Variants in GRID1 observed in about 807,000 individuals in gnomAD.
GRID1 encodes glutamate receptor ionotropic, delta-1.
GRID1 carries 28 observed loss-of-function variants against 98.0 expected under a neutral mutation model. The ratio of observed to expected loss-of-function variants is 0.29; its 90% CI spans 0.21 to 0.39. GRID1 has a LOEUF of 0.39. GRID1 is among the 10% of genes least tolerant of loss of function. GRID1 has a pLI of 1.00. For synonymous variants in GRID1, 553 were observed against 538.5 expected (o/e 1.03, Z -0.37); for missense variants, 1,111 against 1,340.5 (o/e 0.83, Z 2.67).
intron 4 of GRID1, among the ~76,000 whole-genome samples, chr10:86,136,307 T>C (rs545705146): frequency 1.3e-5 from 2 of 152,282 alleles, no homozygotes; most frequent in African/African-American, 4.8e-5. Context: ...GCTTTGCGTA[T>C]AAGCACCCTG....
chr10:85,931,600 T>C (rs1472596105), intron 4 of GRID1, among the ~76,000 whole-genome samples: 1 of 152,218 alleles, frequency 6.6e-6, no homozygotes, highest in East Asian at 1.9e-4. Context: ...TAGCAACCTG[T>C]TCATGTCTTA....
At chr10:86,290,653 AAAAATAAAATAAAATAAAAT>A (rs55827038) in intron 2 of GRID1, among the ~76,000 whole-genome samples, 65 of 149,720 alleles carry the variant, frequency 4.3e-4, no homozygotes, top group African/African-American at 1.4e-3. Flanking sequence ...ACTCTGTCTC[AAAAATAAAATAAAATAAAAT>A]AAAATAAAAT....
intron 5 of GRID1, among the ~76,000 whole-genome samples, chr10:85,900,938 G>A (rs1452124458): frequency 2.6e-5 from 4 of 152,168 alleles, no homozygotes; most frequent in African/African-American, 9.7e-5. Flanking sequence ...TGGAAAGAAG[G>A]AAAGACCATG....
At chr10:86,106,691 G>T (rs1168799062) in intron 4 of GRID1, among the ~76,000 whole-genome samples, 3 of 152,112 alleles carry the variant, frequency 2.0e-5, no homozygotes, top group African/African-American at 7.2e-5. Context: ...CATCAGAGAT[G>T]ATCAGGAATG....
intron 4 of GRID1, among the ~76,000 whole-genome samples, chr10:86,043,989 C>T (rs1843384348): frequency 6.6e-6 from 1 of 152,160 alleles, no homozygotes; most frequent in Non-Finnish European, 1.5e-5. Context: ...CCTACATGTG[C>T]TCAATAGTAA....
chr10:85,847,606 G>A (rs545601291), intron 8 of GRID1, among the ~76,000 whole-genome samples: 1 of 152,072 alleles, frequency 6.6e-6, no homozygotes, highest in Non-Finnish European at 1.5e-5. Context: ...GGAAATGAAG[G>A]TCTGCTGTAT....
At chr10:85,728,418 C>A (rs1841786553) in intron 9 of GRID1, among the ~76,000 whole-genome samples, 1 of 152,148 alleles carries the variant, frequency 6.6e-6, no homozygotes, top group Non-Finnish European at 1.5e-5. Context: ...ATATGAGGCC[C>A]ACATAAGAAA....
chr10:85,781,298 A>G (rs1842378871), intron 8 of GRID1, among the ~76,000 whole-genome samples: 1 of 152,252 alleles, frequency 6.6e-6, no homozygotes, highest in African/African-American at 2.4e-5. Context: ...CTTCTGAGTC[A>G]TAATATCATT....
chr10:85,616,189 C>A lies in GRID1; in HGVS notation c.2361-2542G>T, dbSNP rs755567759. Among the ~76,000 whole-genome samples, 64 of 152,314 alleles carry A rather than the reference C, an allele frequency of 4.2e-4. 1 individual carries two copies. In the Middle Eastern group the frequency reaches 0.037, roughly 89 times the overall value. ...GACATGAGCGACCTTTTATAGAGAA[C>A]ACAGTAGGAGCTGATCATATTACAC... On this transcript the variant is annotated intron_variant, in intron 14 of 15. Transcript: ENST00000327946.
intron 5 of GRID1, among the ~76,000 whole-genome samples, chr10:85,901,960 G>A (rs1353567833): frequency 6.6e-6 from 1 of 152,190 alleles, no homozygotes; most frequent in East Asian, 1.9e-4. Flanking sequence ...ATATAGAAGT[G>A]CATTTCCAGT....
intron 8 of GRID1, among the ~76,000 whole-genome samples, chr10:85,777,589 A>G (rs1842343988): frequency 6.6e-6 from 1 of 152,214 alleles, no homozygotes; most frequent in Admixed American, 6.5e-5. Flanking sequence ...AGTTCTCATC[A>G]TGTGTCTTCA....
chr10:85,743,350 G>C (rs1253303828), intron 8 of GRID1, among the ~76,000 whole-genome samples: 2 of 152,064 alleles, frequency 1.3e-5, no homozygotes, highest in Non-Finnish European at 2.9e-5. Context: ...GTTAACATTA[G>C]AAGAATCCCA....
At chr10:85,880,551 G>A (rs1260711721) in intron 5 of GRID1, among the ~76,000 whole-genome samples, 2 of 151,916 alleles carry the variant, frequency 1.3e-5, no homozygotes, top group East Asian at 3.9e-4. Flanking sequence ...ATGCAGAAAA[G>A]GCCTTTGACA....
chr10:86,274,387 A>G (rs1475614754), intron 2 of GRID1, among the ~76,000 whole-genome samples: 1 of 152,190 alleles, frequency 6.6e-6, no homozygotes, highest in Non-Finnish European at 1.5e-5. Context: ...TTGACTTGGC[A>G]AGGCGGGCTC....
At chr10:85,985,279 T>C (rs904789373) in intron 4 of GRID1, among the ~76,000 whole-genome samples, 1 of 152,198 alleles carries the variant, frequency 6.6e-6, no homozygotes, top group Non-Finnish European at 1.5e-5. Context: ...ACTAAGCAAG[T>C]AGCCATATTC....
At chr10:85,949,909 T>C (rs907194793) in intron 4 of GRID1, among the ~76,000 whole-genome samples, 1 of 138,560 alleles carries the variant, frequency 7.2e-6, no homozygotes, top group Non-Finnish European at 1.6e-5. Context: ...ACTATAGGGA[T>C]GGATGGATGG....
intron 2 of GRID1, among the ~76,000 whole-genome samples, chr10:86,254,144 G>A (rs1389184894): frequency 6.6e-6 from 1 of 152,052 alleles, no homozygotes; most frequent in Non-Finnish European, 1.5e-5. Context: ...CCTTTCCTTA[G>A]CACAGGATAG....
At chr10:86,082,279 C>T (rs536187912) in intron 4 of GRID1, among the ~76,000 whole-genome samples, 1 of 152,288 alleles carries the variant, frequency 6.6e-6, no homozygotes, top group East Asian at 1.9e-4. Context: ...CTGGGCAGTG[C>T]AGTAGAATAA....
At chr10:86,118,981 G>A (rs1564680513) in intron 4 of GRID1, among the ~76,000 whole-genome samples, 1 of 152,162 alleles carries the variant, frequency 6.6e-6, no homozygotes. Flanking sequence ...CTAATGCAAT[G>A]TGGTATCCTG....
Sources: allele counts gnomAD v4.1 joint callset (sites outside exome capture counted in the v4.1 genomes callset), GRCh38; gene constraint gnomAD v4.1.1; transcripts MANE v1.5; gene names NCBI Gene and HGNC (gene_info 2026-07-23, HGNC 2026-07-21).